The following UBIAD1 variants were observed in gnomAD, a reference collection of about 807,000 sequenced individuals.
UBIAD1 encodes ubiA prenyltransferase domain-containing protein 1.
UBIAD1 carries 12 observed loss-of-function variants against 20.1 expected under a neutral mutation model. The ratio of observed to expected loss-of-function variants is 0.60; its 90% CI spans 0.38 to 0.97. UBIAD1 has a LOEUF of 0.97. UBIAD1 is among the 50% of genes least tolerant of loss of function. UBIAD1 has a pLI of 0.00. For synonymous variants in UBIAD1, 207 were observed against 189.2 expected, an observed-to-expected ratio of 1.09 and a Z score of -0.77; for missense variants, 333 against 419.5, an observed-to-expected ratio of 0.79 and a Z score of 1.80.
downstream of UBIAD1, among the ~76,000 whole-genome samples, chr1:11,291,335 C>T (rs1039180454): frequency 4.3e-4 from 66 of 151,974 alleles, no homozygotes; most frequent in African/African-American, 1.5e-3. Flanking sequence ...GGGCCAATCA[C>T]GGTGGCTCAT....
intron 1 of UBIAD1, among the ~76,000 whole-genome samples, chr1:11,281,872 G>C (rs955572002): frequency 6.6e-6 from 1 of 152,182 alleles, no homozygotes; most frequent in African/African-American, 2.4e-5. Context: ...CTGAGCTCTC[G>C]TCTGGCTTCT....
chr1:11,280,311 AGGCAG>A (rs1652199000), intron 1 of UBIAD1, among the ~76,000 whole-genome samples: 1 of 152,124 alleles, frequency 6.6e-6, no homozygotes, highest in Non-Finnish European at 1.5e-5. Context: ...TTGGTGAGTT[AGGCAG>A]GGTCTCTGTC....
chr1:11,273,817 G>T lies in UBIAD1; in HGVS notation c.286G>T (p.Gly96Trp), dbSNP rs762889591. ...TGCCGTGGCTGTCCTGGCTGTGCACGGGGCCGGTAATTTGGTCAACACTTA... is the reference window on the plus strand; with the variant it reads ...TGCCGTGGCTGTCCTGGCTGTGCACTGGGCCGGTAATTTGGTCAACACTTA... ...GCAVAVLAVH[G>W]AGNLVNTYYD... is the part of the protein sequence containing the mutation. The change falls in exon 1 of 2, where the codon GGG (glycine) becomes TGG (tryptophan). Residue 96 changes from glycine (G) to tryptophan (W), a missense_variant. Gly to Trp is a radical substitution (Grantham distance 184, BLOSUM62 -2). Transcript: ENST00000376810. This position sits in a 1 kb window ranked among gnomAD's most constrained non-coding sequence, Gnocchi z 4.9. The T allele has an allele frequency of 6.2e-7, 1 of 1,614,164 alleles. No homozygotes were observed. The highest frequency in any genetic ancestry group is 8.5e-7 in the Non-Finnish European group (1 of 1,180,036).
intron 1 of UBIAD1, among the ~76,000 whole-genome samples, chr1:11,282,386 A>T (rs1453339041): frequency 6.6e-6 from 1 of 152,150 alleles, no homozygotes; most frequent in Non-Finnish European, 1.5e-5. Context: ...TCTCTGAATC[A>T]GGTAGAGCAC....
chr1:11,296,514 C>T (rs1479013078), downstream of UBIAD1, among the ~76,000 whole-genome samples: 1 of 151,994 alleles, frequency 6.6e-6, no homozygotes, highest in Non-Finnish European at 1.5e-5. Context: ...AAAGTGAGTT[C>T]CCCCTGTCCC....
intron 1 of UBIAD1, among the ~76,000 whole-genome samples, chr1:11,281,907 A>G: frequency 6.6e-6 from 1 of 152,018 alleles, no homozygotes; most frequent in East Asian, 1.9e-4. Context: ...TGTTTTTGAG[A>G]TTCATTGTTT....
chr1:11,288,643 C>T (rs532270852), downstream of UBIAD1, among the ~76,000 whole-genome samples: 1 of 152,310 alleles, frequency 6.6e-6, no homozygotes, highest in East Asian at 1.9e-4. Flanking sequence ...CATGGTGGCT[C>T]ACGCTTGTAA....
rs2101011847 is a variant in UBIAD1, at chr1:11,273,241, T to C, written c.-291T>C. ...AGAGGCCGGCGCACAAGATGGCGGC[T>C]CTGGCGGCCTAAAGAAGGCGGCCGC... On this transcript the variant is annotated 5_prime_UTR_variant, in exon 1 of 2. Transcript: ENST00000376810. This position sits in a 1 kb window ranked among gnomAD's most constrained non-coding sequence, Gnocchi z 4.9. 1 of 423,626 alleles carries C rather than the reference T, an allele frequency of 2.4e-6. No individual in the cohort carries two copies. Among genetic ancestry groups the C allele is most frequent in the Non-Finnish European group, 4.3e-6 (1 of 231,066 alleles). The allele number at this position is 423,626 out of a possible 1,614,324, so 26.2% of individuals were successfully genotyped here. A position where few individuals can be genotyped will look rare whatever the true frequency, so the allele number is the denominator to read the frequency against.
rs1157744181 is a variant in UBIAD1 at position 11,294,981 on chromosome 1, G to A, written c.*98G>A. Reference sequence around the variant, plus strand: ...TCTAGACCTGCCTCCTGAGAATGGGGCTGGCCACCTTCGAGGAGAGGGAAG... The same window carrying A: ...TCTAGACCTGCCTCCTGAGAATGGGACTGGCCACCTTCGAGGAGAGGGAAG... On this transcript the variant is annotated 3_prime_UTR_variant, in exon 2 of 2. Coordinates refer to the UBIAD1 transcript ENST00000376804. 20 of 716,806 alleles carry A rather than the reference G, an allele frequency of 2.8e-5. No individual in the cohort carries two copies. The Admixed American group carries it at 4.0e-4, about 14-fold the overall frequency. The allele number at this position is 716,806 out of a possible 1,614,324, so 44.4% of individuals were successfully genotyped here.
chr1:11,297,952 G>GTTTTTTGT (rs765979489), downstream of UBIAD1, among the ~76,000 whole-genome samples: 3 of 146,292 alleles, frequency 2.1e-5, no homozygotes, highest in Non-Finnish European at 4.4e-5. Flanking sequence ...TACTATTATT[G>GTTTTTTGT]TTTTTTGTTT....
At chr1:11,278,103 G>A (rs1652118262) in intron 1 of UBIAD1, among the ~76,000 whole-genome samples, 1 of 152,038 alleles carries the variant, frequency 6.6e-6, no homozygotes, top group Non-Finnish European at 1.5e-5. Context: ...GACTACAGGC[G>A]CGTGCTACCA....
downstream of UBIAD1, among the ~76,000 whole-genome samples, chr1:11,291,513 A>G (rs1173174394): frequency 4.0e-5 from 6 of 151,652 alleles, no homozygotes; most frequent in Admixed American, 4.0e-4. Flanking sequence ...AGGCTGAGGC[A>G]GGAGAACTAC....
chr1:11,273,781 TTGG>T lies in UBIAD1; in HGVS notation c.254_256del (p.Val85del). The T allele has an allele frequency of 6.2e-7, 1 of 1,614,128 alleles. No homozygotes were observed. The highest frequency in any genetic ancestry group is 8.5e-7 in the Non-Finnish European group (1 of 1,180,012). ...CCACGGTGTCCTGGATCCCAGGCTCTTGGTGGGTTGTGCCGTGGCTGTCCTGGC... is the reference window on the plus strand; with the variant it reads ...CCACGGTGTCCTGGATCCCAGGCTCTTGGGTTGTGCCGTGGCTGTCCTGGC... On this transcript the variant is annotated inframe_deletion, in exon 1 of 2. Coordinates refer to ENST00000376810, the MANE Select transcript of UBIAD1 (RefSeq NM_013319.3). The surrounding 1 kb of genome is among the most constrained non-coding windows in gnomAD (Gnocchi z 4.9).
downstream of UBIAD1, among the ~76,000 whole-genome samples, chr1:11,296,875 G>A (rs1004183066): frequency 1.7e-4 from 3 of 17,832 alleles, no homozygotes; most frequent in African/African-American, 1.2e-3. Context: ...TGTAATCTTA[G>A]ACTTTCCTAC....
intron 1 of UBIAD1, among the ~76,000 whole-genome samples, chr1:11,294,664 G>A (rs990244534): frequency 3.9e-5 from 6 of 152,214 alleles, no homozygotes; most frequent in Non-Finnish European, 8.8e-5. Context: ...ACCCCCAGGG[G>A]CCAGCTCTGT....
At chr1:11,274,105 C>A (rs1436068467) in intron 1 of UBIAD1, 45 bp downstream of exon 1, 7 of 1,610,420 alleles carry the variant, frequency 4.3e-6, no homozygotes, top group Non-Finnish European at 5.9e-6. Flanking sequence ...TAGTCGCGTC[C>A]ACTGGAAACC....
At chr1:11,281,461 A>G (rs1013378412) in intron 1 of UBIAD1, among the ~76,000 whole-genome samples, 1 of 152,206 alleles carries the variant, frequency 6.6e-6, no homozygotes, top group Non-Finnish European at 1.5e-5. Flanking sequence ...GGCATGTAAT[A>G]TTACTTAGTA....
At chr1:11,277,566 G>C (rs987580896) in intron 1 of UBIAD1, among the ~76,000 whole-genome samples, 24 of 151,836 alleles carry the variant, frequency 1.6e-4, no homozygotes, top group Admixed American at 1.4e-3. Flanking sequence ...GAGCCACTAT[G>C]CCTGGCCAAT....
Position 11,294,862 on chromosome 1 carries a change from G to A in UBIAD1, c.530-11G>A, listed in dbSNP as rs2788540. The A allele has an allele frequency of 2.7e-3, 1,902 of 717,396 alleles. 31 individuals are homozygous for A. In the African/African-American group the frequency reaches 0.028, roughly 11 times the overall value. The allele number at this position is 717,396 out of a possible 1,614,324, so 44.4% of individuals were successfully genotyped here. On this transcript the variant is annotated splice_polypyrimidine_tract_variant and intron_variant, in intron 1 of 1. Transcript: ENST00000376804. ...TCATCTGTCTGTCCTCATTCGTCTCGTCTCTTCCAGTCCTCATCTAGCCAC... is the reference window on the plus strand; with the variant it reads ...TCATCTGTCTGTCCTCATTCGTCTCATCTCTTCCAGTCCTCATCTAGCCAC...
Sources: gnomAD v4.1 joint callset for allele counts (sites outside exome capture counted in the v4.1 genomes callset) on GRCh38, gnomAD v4.1.1 for gene constraint, Gnocchi (gnomAD v3.1) non-coding constraint, MANE v1.5 for transcripts, NCBI Gene and HGNC (gene_info 2026-07-23, HGNC 2026-07-21) for gene names.